Variants in LRRC37A2 observed in about 807,000 individuals in gnomAD.
LRRC37A2 encodes leucine rich repeat containing 37 member A2, also known as leucine-rich repeat-containing protein 37A2.
Under a neutral mutation model 68.8 loss-of-function variants are expected in LRRC37A2, and 9 were observed. The observed-to-expected ratio is 0.13, with a 90% confidence interval of 0.08 to 0.23. The LOEUF (loss-of-function observed/expected upper bound fraction) is 0.23, where lower values mean the gene tolerates loss of function less well. Ranked by LOEUF, LRRC37A2 falls within the 10% of genes least tolerant of loss-of-function variation. The pLI, the probability that LRRC37A2 is intolerant of heterozygous loss-of-function variation, is 1.00. For missense variants in LRRC37A2, 168 were observed against 950.4 expected (o/e 0.18, Z 10.82); for synonymous variants, 63 against 367.6 (o/e 0.17, Z 9.48).
the LRRC37A2 span, among the ~76,000 whole-genome samples, chr17:46,969,987 G>A: frequency 6.6e-6 from 1 of 152,160 alleles, no homozygotes; most frequent in Admixed American, 6.5e-5. Flanking sequence ...AGCAGACACC[G>A]GGGGTCAAAT....
At chr17:46,726,459 T>A in the LRRC37A2 span, 1 of 1,135,998 alleles carries the variant, frequency 8.8e-7, no homozygotes. Flanking sequence ...TGTGCTTTGT[T>A]TAGTATTGCT....
the LRRC37A2 span, among the ~76,000 whole-genome samples, chr17:46,820,112 G>A: frequency 6.6e-6 from 1 of 152,250 alleles, no homozygotes; most frequent in Non-Finnish European, 1.5e-5. Flanking sequence ...TACGCCAGGG[G>A]GCCAGACATT....
the LRRC37A2 span, among the ~76,000 whole-genome samples, chr17:46,928,289 A>G: frequency 4.6e-5 from 7 of 152,166 alleles, no homozygotes; most frequent in Non-Finnish European, 2.9e-5. Flanking sequence ...ACTGGGCACA[A>G]GCTGAAGCCA....
At chr17:46,978,877 G>C in the LRRC37A2 span, 3 of 1,560,298 alleles carry the variant, frequency 1.9e-6, no homozygotes, top group Non-Finnish European at 2.6e-6. Flanking sequence ...GGCGGCCAGC[G>C]GTGCGCCCCC....
the LRRC37A2 span, among the ~76,000 whole-genome samples, chr17:46,898,282 C>T: frequency 6.6e-6 from 1 of 151,460 alleles, no homozygotes; most frequent in African/African-American, 2.5e-5. Context: ...GGCCTCAGAG[C>T]CTCAAAAACA....
At chr17:47,025,884 C>T in the LRRC37A2 span, among the ~76,000 whole-genome samples, 1 of 120,784 alleles carries the variant, frequency 8.3e-6, no homozygotes, top group African/African-American at 3.2e-5. Context: ...TATTTTCCTT[C>T]TACTCACTCC....
At chr17:46,949,248 T>C in the LRRC37A2 span, 1 of 152,222 alleles carries the variant, frequency 6.6e-6, no homozygotes, top group East Asian at 1.9e-4. Context: ...GGGCACACAA[T>C]GTCGCTGAGC....
At chr17:46,774,588 C>T in the LRRC37A2 span, among the ~76,000 whole-genome samples, 2 of 152,200 alleles carry the variant, frequency 1.3e-5, no homozygotes, top group African/African-American at 4.8e-5. Context: ...ACAAGTTTAG[C>T]ACAGAGTCAG....
chr17:46,887,596 C>T, the LRRC37A2 span, among the ~76,000 whole-genome samples: 1 of 152,074 alleles, frequency 6.6e-6, no homozygotes, highest in African/African-American at 2.4e-5. Context: ...GAAACCCCAT[C>T]TCTACTAAAT....
chr17:46,876,841 T>G, the LRRC37A2 span: 1 of 1,430,584 alleles, frequency 7.0e-7, no homozygotes. Flanking sequence ...TGTGTGCCAA[T>G]GCACACGAGT....
At chr17:46,923,308 C>G in the LRRC37A2 span, 15 of 1,545,818 alleles carry the variant, frequency 9.7e-6, no homozygotes, top group Non-Finnish European at 1.3e-5. Flanking sequence ...CGGACGTCAG[C>G]CAGGGTAGAG....
chr17:46,797,397 G>C, the LRRC37A2 span, among the ~76,000 whole-genome samples: 1 of 152,236 alleles, frequency 6.6e-6, no homozygotes, highest in Non-Finnish European at 1.5e-5. Context: ...TCAGGGCCAA[G>C]TGGAGGAGGG....
the LRRC37A2 span, chr17:46,830,487 C>CA: frequency 2.5e-6 from 1 of 393,218 alleles, no homozygotes; most frequent in African/African-American, 2.1e-5. Flanking sequence ...CTCTTGGGCT[C>CA]AGGAGATCCT....
At chr17:46,896,912 A>C in the LRRC37A2 span, among the ~76,000 whole-genome samples, 1 of 152,150 alleles carries the variant, frequency 6.6e-6, no homozygotes, top group South Asian at 2.1e-4. Context: ...TCCAGGCCAA[A>C]AGAAGTCCCC....
chr17:46,896,428 A>AAGAT, the LRRC37A2 span, among the ~76,000 whole-genome samples: 1 of 85,848 alleles, frequency 1.2e-5, no homozygotes, highest in Admixed American at 1.2e-4. Context: ...GAAAGAAAGA[A>AAGAT]AGAAAGAAAG....
At chr17:46,856,857 C>G in the LRRC37A2 span, among the ~76,000 whole-genome samples, 1 of 152,184 alleles carries the variant, frequency 6.6e-6, no homozygotes, top group Non-Finnish European at 1.5e-5. Context: ...TGTGGTGACT[C>G]CAATGACTAC....
chr17:46,631,051 T>G, the LRRC37A2 span, among the ~76,000 whole-genome samples: 1 of 117,798 alleles, frequency 8.5e-6, no homozygotes, highest in African/African-American at 4.1e-5. Flanking sequence ...TGGGTCTCTG[T>G]CTCTCTCTGT....
At chr17:46,773,391 C>T in the LRRC37A2 span, among the ~76,000 whole-genome samples, 1 of 152,098 alleles carries the variant, frequency 6.6e-6, no homozygotes, top group East Asian at 1.9e-4. Context: ...CAAATGTCCA[C>T]AGCAGGAGCC....
At chr17:46,894,697 G>C in the LRRC37A2 span, among the ~76,000 whole-genome samples, 2 of 152,212 alleles carry the variant, frequency 1.3e-5, no homozygotes, top group Admixed American at 1.3e-4. Flanking sequence ...CCCCCCTCCT[G>C]TGGAATGACG....
Sources: allele counts gnomAD v4.1 joint callset (sites outside exome capture counted in the v4.1 genomes callset), GRCh38; gene constraint gnomAD v4.1.1; transcripts MANE v1.5; gene names NCBI Gene and HGNC (gene_info 2026-07-23, HGNC 2026-07-21).